The following SPATA31E1 variants were observed in gnomAD, a reference collection of about 807,000 sequenced individuals.
SPATA31E1 encodes the protein SPATA31 subfamily E member 1, also known as spermatogenesis-associated protein 31E1.
A neutral mutation model predicts 12.9 loss-of-function variants in SPATA31E1; 7 were observed. That is an observed-to-expected ratio of 0.54 (90% confidence interval 0.31 to 1.02). SPATA31E1 has a LOEUF of 1.02. SPATA31E1 is among the 50% of genes least tolerant of loss of function. SPATA31E1 has a pLI of 0.05. For missense variants in SPATA31E1, 1,961 were observed against 1,799.8 expected, an observed-to-expected ratio of 1.09 and a Z score of -1.62; for synonymous variants, 771 against 719.0, an observed-to-expected ratio of 1.07 and a Z score of -1.16.
Position 87,887,402 on chromosome 9 carries a change from A to G in SPATA31E1, c.2915A>G (p.Gln972Arg), listed in dbSNP as rs764539780. ...PTCSLVGRTW[Q>R]SRTVLESGKP... ...TGCAGCCTTGTGGGCAGAACCTGGC[A>G]GAGCAGGACTGTCCTGGAATCCGGG... The change falls in exon 4 of 4, where the codon CAG becomes CGG. Residue 972 changes from glutamine (Q) to arginine (R), a missense_variant. By Grantham distance (43) the Gln-to-Arg change is conservative (BLOSUM62 1). Transcript: ENST00000325643. 12 of 1,613,726 alleles carry G rather than the reference A, an allele frequency of 7.4e-6. No homozygotes were observed. Among genetic ancestry groups the G allele is most frequent in the Non-Finnish European group, 1.0e-5 (12 of 1,180,036 alleles).
In SPATA31E1 at chr9:87,886,277, C is replaced by A; in HGVS notation, c.1790C>A (p.Ala597Asp). ...CAGGCTGTTCTGAGCCAGCCCACTG[C>A]CCACCTTCCCCAAGAGAGGCCGGCC... ...KSQAVLSQPT[A>D]HLPQERPASW... Residue 597 changes from alanine (A) to aspartate (D), a missense_variant, in exon 4 of 4, where the codon GCC becomes GAC. Ala to Asp is a moderately radical substitution (Grantham distance 126, BLOSUM62 -2). Coordinates refer to ENST00000325643, the MANE Select transcript of SPATA31E1 (RefSeq NM_178828.5). The A allele has an allele frequency of 6.2e-7, 1 of 1,613,792 alleles. No homozygotes were observed. Among genetic ancestry groups the A allele is most frequent in the Non-Finnish European group, 8.5e-7 (1 of 1,180,012 alleles).
rs543571164 is a variant in SPATA31E1, at chr9:87,887,331, C to T, written c.2844C>T (p.Ala948=). The T allele has an allele frequency of 3.1e-6, 5 of 1,613,838 alleles. No individual in the cohort carries two copies. Among genetic ancestry groups the T allele is most frequent in the Non-Finnish European group, 3.4e-6 (4 of 1,180,042 alleles). Residue 948 remains alanine, a synonymous_variant, in exon 4 of 4, where the codon GCC becomes GCT. Coordinates refer to ENST00000325643, the MANE Select transcript of SPATA31E1 (RefSeq NM_178828.5). ...QSADTHGRSE[A]FPTGHKGRGC... is the part of the protein sequence containing the mutation. ...CTGATACCCATGGGCGATCAGAGGC[C>T]TTTCCGACTGGACACAAGGGCAGGG...
chr9:87,883,325 AG>A, intron 1 of SPATA31E1, 125 bp downstream of exon 1: 1 of 1,372,672 alleles, frequency 7.3e-7, no homozygotes, highest in Non-Finnish European at 1.0e-6. Context: ...CCTCTAGGGA[AG>A]GGCAAGGCAG....
chr9:87,884,181 G>A, intron 2 of SPATA31E1, 135 bp downstream of exon 2: 1 of 1,189,768 alleles, frequency 8.4e-7, no homozygotes, highest in Non-Finnish European at 1.2e-6. Flanking sequence ...CAGATTCCCT[G>A]CGGGAATGAA....
Position 87,888,168 on chromosome 9 carries a change from C to T in SPATA31E1, c.3681C>T (p.Ala1227=). ...HRSKGPRTSE[A]SGRSHPAQAR... is the part of the protein sequence containing the mutation. The stretch of plus-strand genomic sequence containing the variant: ...CCAAGGGACCCAGGACCTCTGAAGC[C>T]AGTGGGAGGAGCCACCCTGCCCAAG... The change falls in exon 4 of 4, where the codon GCC becomes GCT. Residue 1227 remains alanine, a synonymous_variant. Transcript: ENST00000325643. The T allele has an allele frequency of 6.2e-7, 1 of 1,613,052 alleles. No individual in the cohort carries two copies.
At chr9:87,884,410 T>C (rs547390503) in intron 2 of SPATA31E1, among the ~76,000 whole-genome samples, 181 bp from the exon 3 acceptor site, 1 of 152,310 alleles carries the variant, frequency 6.6e-6, no homozygotes, top group Non-Finnish European at 1.5e-5. Flanking sequence ...TTTTTGCAAA[T>C]GACAAAGTGC....
Position 87,887,921 on chromosome 9 carries a change from C to T in SPATA31E1, c.3434C>T (p.Pro1145Leu), listed in dbSNP as rs755398344. ...ATGCTCACTGCCGCAGACAGGCTGC[C>T]CACTCAAGCCCCTCTGTCCACCTCC... ...MDMLTAADRLPTQAPLSTSQS... is the reference protein window; with the variant it reads ...MDMLTAADRLLTQAPLSTSQS... The change falls in exon 4 of 4, where the codon CCC becomes CTC. Residue 1145 changes from proline to leucine, a missense_variant. Transcript: ENST00000325643. 6.2e-7 allele frequency: 1 copy of T among 1,613,896 alleles called. No individual in the cohort carries two copies. Among genetic ancestry groups the T allele is most frequent in the Non-Finnish European group, 8.5e-7 (1 of 1,180,040 alleles).
chr9:87,887,972 C>T lies in SPATA31E1; in HGVS notation c.3485C>T (p.Thr1162Ile). The change falls in exon 4 of 4, where the codon ACA becomes ATA. Residue 1162 changes from threonine to isoleucine, a missense_variant. Coordinates refer to ENST00000325643, the MANE Select transcript of SPATA31E1 (RefSeq NM_178828.5). Reference sequence around the variant, plus strand: ...CAGAGTGTGTCTGGTAAGAACATGACAGCTTCCCAGGGGCCATGTGCCCTC... The same window carrying T: ...CAGAGTGTGTCTGGTAAGAACATGATAGCTTCCCAGGGGCCATGTGCCCTC... ...TSQSVSGKNMTASQGPCALLW... is the reference protein window; with the variant it reads ...TSQSVSGKNMIASQGPCALLW... 1 of 1,613,832 alleles carries T rather than the reference C, an allele frequency of 6.2e-7. No homozygotes were observed. The highest frequency in any genetic ancestry group is 1.1e-5 in the South Asian group (1 of 91,086).
In SPATA31E1 at chr9:87,887,299, C is replaced by T. The variant is rs1564129488; in HGVS notation, c.2812C>T (p.Gln938Ter). Reference sequence around the variant, plus strand: ...AGTCCAGAGGCCCCCGAGAGGGTCCCAGTCAGCTGATACCCATGGGCGATC... The same window carrying T: ...AGTCCAGAGGCCCCCGAGAGGGTCCTAGTCAGCTGATACCCATGGGCGATC... ...EGVQRPPRGS[Q>*]SADTHGRSEA... Residue 938 changes from glutamine (Q) to a stop codon, truncating the protein, a stop_gained, in exon 4 of 4, where the codon CAG becomes TAG. Coordinates refer to ENST00000325643, the MANE Select transcript of SPATA31E1 (RefSeq NM_178828.5). LOFTEE classifies it low-confidence loss of function (END_TRUNC). 1 of 1,613,808 alleles carries T rather than the reference C, an allele frequency of 6.2e-7. No homozygotes were observed.
rs1399472230 is a variant in SPATA31E1 at position 87,885,837 on chromosome 9, C to T, written c.1350C>T (p.Ser450=). ...FWDLPSLNSE[S]LATTVWVSRN... ...ACCTCCCCTCTCTCAATAGCGAGTCCCTGGCGACCACAGTCTGGGTTTCTA... is the reference window on the plus strand; with the variant it reads ...ACCTCCCCTCTCTCAATAGCGAGTCTCTGGCGACCACAGTCTGGGTTTCTA... Residue 450 remains serine (S), a synonymous_variant, in exon 4 of 4, where the codon TCC becomes TCT. Coordinates refer to ENST00000325643, the MANE Select transcript of SPATA31E1 (RefSeq NM_178828.5). The T allele has an allele frequency of 6.2e-7, 1 of 1,613,868 alleles. No homozygotes were observed. The highest frequency in any genetic ancestry group is 1.1e-5 in the South Asian group (1 of 91,082).
rs144076064 is a variant in SPATA31E1 at position 87,886,233 on chromosome 9, C to T, written c.1746C>T (p.Pro582=). 1.7e-4 allele frequency: 269 copies of T among 1,613,888 alleles called. 1 individual carries two copies. The highest frequency in any genetic ancestry group is 1.5e-3 in the Middle Eastern group (9 of 6,058). The stretch of plus-strand genomic sequence containing the variant: ...GACCAAAGTGGAAGAGGGTTTTGCC[C>T]TCTCTCCTCAAAAAGTCTCAGGCTG... ...KKRPKWKRVL[P]SLLKKSQAVL... is the part of the protein sequence containing the mutation. The change falls in exon 4 of 4, where the codon CCC becomes CCT. Residue 582 remains proline (P), a synonymous_variant. Coordinates refer to ENST00000325643, the MANE Select transcript of SPATA31E1 (RefSeq NM_178828.5).
At chr9:87,884,698 C>T in intron 3 of SPATA31E1, 47 bp downstream of exon 3, 1 of 1,608,022 alleles carries the variant, frequency 6.2e-7, no homozygotes. Flanking sequence ...CTACCAGGGC[C>T]TCTGATGCAA....
chr9:87,883,336 G>A, intron 1 of SPATA31E1, 136 bp downstream of exon 1: 1 of 1,347,570 alleles, frequency 7.4e-7, no homozygotes, highest in Non-Finnish European at 1.0e-6. Context: ...GGGCAAGGCA[G>A]GCAGGGGTGA....
Position 87,888,031 on chromosome 9 carries a change from G to A in SPATA31E1, c.3544G>A (p.Glu1182Lys), listed in dbSNP as rs770615179. 1.8e-5 allele frequency: 29 copies of A among 1,610,544 alleles called. No homozygotes were observed. The highest frequency in any genetic ancestry group is 2.4e-5 in the Non-Finnish European group (28 of 1,178,702). The stretch of plus-strand genomic sequence containing the variant: ...GGGAGGGGACAGTCCAGGGCAGCAG[G>A]AGCCTGGGAGCCCAAAAGCAAAGGC... ...WKGGDSPGQQ[E>K]PGSPKAKAPQ... is the part of the protein sequence containing the mutation. The change falls in exon 4 of 4, where the codon GAG becomes AAG. Residue 1182 changes from glutamate to lysine, a missense_variant. By Grantham distance (56) the Glu-to-Lys change is moderately conservative. Coordinates refer to ENST00000325643, the MANE Select transcript of SPATA31E1 (RefSeq NM_178828.5).
chr9:87,885,003 GGC>G lies in SPATA31E1; in HGVS notation c.517_518del (p.Ala173ProfsTer187). On this transcript the variant is annotated frameshift_variant, in exon 4 of 4. Transcript: ENST00000325643. LOFTEE classifies it low-confidence loss of function (END_TRUNC). ...ACGTGTGTAAACCAGTGCCTGCTAA[GGC>G]CCACCAGCCGCATGGGAAATGCATG... Reference protein sequence around the residue: ...GDVCKPVPAKAHQPHGKCMQD... With the variant: ...GDVCKPVPAKXHQPHGKCMQD... 6.2e-7 allele frequency: 1 copy of G among 1,614,112 alleles called. No homozygotes were observed. The highest frequency in any genetic ancestry group is 8.5e-7 in the Non-Finnish European group (1 of 1,179,994).
rs1370071693 is a variant in SPATA31E1, at chr9:87,888,394, G to A, written c.3907G>A (p.Gly1303Ser). 1 of 1,614,172 alleles carries A rather than the reference G, an allele frequency of 6.2e-7. No homozygotes were observed. The highest frequency in any genetic ancestry group is 1.7e-5 in the Admixed American group (1 of 60,030). Reference protein sequence around the residue: ...GADAFQSWGSGPPRQFMDCMA... With the variant: ...GADAFQSWGSSPPRQFMDCMA... ...AGATGCTTTCCAGAGCTGGGGGTCT[G>A]GCCCACCAAGGCAGTTTATGGACTG... Residue 1303 changes from glycine to serine, a missense_variant, in exon 4 of 4, where the codon GGC becomes AGC. Physicochemically the swap from Gly to Ser is moderately conservative, Grantham distance 56 (BLOSUM62 0). Transcript: ENST00000325643.
At position 87,888,518 on chromosome 9, in the gene SPATA31E1, G is replaced by A. The variant is rs61745912; in HGVS notation, c.4031G>A (p.Arg1344His). The change falls in exon 4 of 4, where the codon CGC (arginine) becomes CAC (histidine). Residue 1344 changes from arginine to histidine, a missense_variant. Transcript: ENST00000325643. ...QWGRGPSEVNRHKGDFRAQEN... is the reference protein window; with the variant it reads ...QWGRGPSEVNHHKGDFRAQEN... ...GGACGAGGTCCCTCAGAGGTCAATC[G>A]CCACAAAGGTGACTTCCGCGCCCAG... is the stretch of plus-strand genomic sequence containing the variant. 1.1e-3 allele frequency: 1,811 copies of A among 1,614,104 alleles called. 2 individuals are homozygous for A. Among genetic ancestry groups the A allele is most frequent in the Non-Finnish European group, 1.4e-3 (1,662 of 1,180,008 alleles).
In SPATA31E1 at chr9:87,887,304, A is replaced by G; in HGVS notation, c.2817A>G (p.Ser939=). The G allele has an allele frequency of 6.2e-7, 1 of 1,613,754 alleles. No individual in the cohort carries two copies. The highest frequency in any genetic ancestry group is 8.5e-7 in the Non-Finnish European group (1 of 1,179,984). The change falls in exon 4 of 4, where the codon TCA becomes TCG. Residue 939 remains serine, a synonymous_variant. Coordinates refer to ENST00000325643, the MANE Select transcript of SPATA31E1 (RefSeq NM_178828.5). ...AGAGGCCCCCGAGAGGGTCCCAGTC[A>G]GCTGATACCCATGGGCGATCAGAGG... ...GVQRPPRGSQ[S]ADTHGRSEAF...
At position 87,886,046 on chromosome 9, in the gene SPATA31E1, A is replaced by G; in HGVS notation, c.1559A>G (p.Glu520Gly). The G allele has an allele frequency of 6.2e-7, 1 of 1,612,920 alleles. No individual in the cohort carries two copies. ...WPQSQPPPLA[E>G]IQTQAHLSPP... ...CAGTCCCAGCCCCCACCTTTGGCTG[A>G]GATCCAGACCCAGGCCCACCTCTCA... The change falls in exon 4 of 4, where the codon GAG (glutamate) becomes GGG (glycine). Residue 520 changes from glutamate (E) to glycine (G), a missense_variant. Coordinates refer to ENST00000325643, the MANE Select transcript of SPATA31E1 (RefSeq NM_178828.5).
Sources: allele counts gnomAD v4.1 joint callset (sites outside exome capture counted in the v4.1 genomes callset), GRCh38; gene constraint gnomAD v4.1.1; transcripts MANE v1.5; gene names NCBI Gene and HGNC (gene_info 2026-07-23, HGNC 2026-07-21).